TNKS1BP1: variants seen among roughly 807,000 people sequenced by gnomAD.
TNKS1BP1 encodes CCR4-NOT transcription complex subunit 12.
A neutral mutation model predicts 141.1 loss-of-function variants in TNKS1BP1; 48 were observed. The ratio of observed to expected loss-of-function variants is 0.34; its 90% confidence interval spans 0.27 to 0.43. TNKS1BP1 has a LOEUF of 0.43. Among genes scored for constraint, TNKS1BP1 ranks in the 20% least tolerant of loss-of-function variants. The pLI is 1.00. For missense variants in TNKS1BP1, 2,149 were observed against 2,226.0 expected, an observed-to-expected ratio of 0.97 and a Z score of 0.70; for synonymous variants, 875 against 898.2, an observed-to-expected ratio of 0.97 and a Z score of 0.46.
At chr11:57,306,257 G>A (rs1273240230) in intron 6 of TNKS1BP1, among the ~76,000 whole-genome samples, 1 of 148,784 alleles carries the variant, frequency 6.7e-6, no homozygotes, top group Non-Finnish European at 1.5e-5. Context: ...CAGGCTGGGA[G>A]CCTGGGCGAT....
intron 1 of TNKS1BP1, chr11:57,322,238 G>A (rs905550702): frequency 5.5e-6 from 6 of 1,083,742 alleles, no homozygotes; most frequent in Non-Finnish European, 6.7e-6. Flanking sequence ...CCCACTTACA[G>A]TCCCCACAGT....
chr11:57,302,517 C>A lies in TNKS1BP1; in HGVS notation c.4625G>T (p.Arg1542Leu). Reference protein sequence around the residue: ...WSDQGPAQTSRRPSQGPPARS... With the variant: ...WSDQGPAQTSLRPSQGPPARS... ...GGCAGGAGGGCCTTGGGAGGGTCGCCGAGAAGTCTGTGCTGGCCCCTGATC... is the reference window on the plus strand; with the variant it reads ...GGCAGGAGGGCCTTGGGAGGGTCGCAGAGAAGTCTGTGCTGGCCCCTGATC... The change falls in exon 7 of 12, where the codon CGG (arginine) becomes CTG (leucine). Residue 1542 changes from arginine to leucine, a missense_variant. By Grantham distance (102) the Arg-to-Leu change is moderately radical. Coordinates refer to ENST00000358252, the MANE Select transcript of TNKS1BP1 (RefSeq NM_033396.3). This position sits in a 1 kb window ranked among gnomAD's most constrained non-coding sequence, Gnocchi z 5.5. The A allele has an allele frequency of 1.2e-6, 2 of 1,611,796 alleles. No homozygotes were observed.
At chr11:57,318,375 C>T (rs781142543) in intron 3 of TNKS1BP1, among the ~76,000 whole-genome samples, 3 of 152,194 alleles carry the variant, frequency 2.0e-5, no homozygotes, top group Non-Finnish European at 4.4e-5. Context: ...AGGAAGATGG[C>T]GGGTGGAACC....
intron 3 of TNKS1BP1, among the ~76,000 whole-genome samples, chr11:57,319,722 G>C (rs529854057): frequency 5.5e-4 from 77 of 141,282 alleles, no homozygotes; most frequent in Admixed American, 2.9e-3. Flanking sequence ...AGCCGAGATC[G>C]CACCACTGCA....
At position 57,310,116 on chromosome 11, in the gene TNKS1BP1, C is replaced by A. The variant is rs770571284; in HGVS notation, c.2595G>T (p.Gln865His). The change falls in exon 6 of 12, where the codon CAG becomes CAT. Residue 865 changes from glutamine to histidine, a missense_variant. Gln to His is a conservative substitution (Grantham distance 24, BLOSUM62 0). Transcript: ENST00000358252. ...CCAGTGAATCTCTCTTTCCGAATTCCTGGTCCTGGAGTTCTGCATCCCGGC... is the reference window on the plus strand; with the variant it reads ...CCAGTGAATCTCTCTTTCCGAATTCATGGTCCTGGAGTTCTGCATCCCGGC... ...YSSRDAELQD[Q>H]EFGKRDSLGT... 6.2e-7 allele frequency: 1 copy of A among 1,614,070 alleles called. No homozygotes were observed. Among genetic ancestry groups the A allele is most frequent in the African/African-American group, 1.3e-5 (1 of 74,902 alleles).
In TNKS1BP1 at chr11:57,309,472, T is replaced by C; in HGVS notation, c.3239A>G (p.Glu1080Gly). 6.2e-7 allele frequency: 1 copy of C among 1,613,924 alleles called. No individual in the cohort carries two copies. Among genetic ancestry groups the C allele is most frequent in the Non-Finnish European group, 8.5e-7 (1 of 1,180,000 alleles). The change falls in exon 6 of 12, where the codon GAG (glutamate) becomes GGG (glycine). Residue 1080 changes from glutamate (E) to glycine (G), a missense_variant. Physicochemically the swap from Glu to Gly is moderately conservative, Grantham distance 98. Coordinates refer to ENST00000358252, the MANE Select transcript of TNKS1BP1 (RefSeq NM_033396.3). The surrounding 1 kb of genome is among the most constrained non-coding windows in gnomAD (Gnocchi z 4.3). The stretch of plus-strand genomic sequence containing the variant: ...ACCGACCCAGCCTCGCTTTCCCATC[T>C]CCCCATCTTCCAGGTCAGCACTGCC... ...GPGSADLEDG[E>G]MGKRGWVGEF...
intron 6 of TNKS1BP1, 75 bp downstream of exon 6, chr11:57,308,320 C>T: frequency 2.0e-6 from 3 of 1,520,768 alleles, no homozygotes; most frequent in Non-Finnish European, 2.6e-6. Flanking sequence ...TTCTTCCCTC[C>T]TCAGAAAGGT....
In TNKS1BP1 at chr11:57,320,428, GCTCCTCTTTCCCAGC is replaced by G. The variant is rs779980513; in HGVS notation, c.364_378del (p.Ala122_Glu126del). On this transcript the variant is annotated inframe_deletion, in exon 3 of 12. Transcript: ENST00000358252. ...CGAGCTGGGGGTGTCAAAGGGGGTG[GCTCCTCTTTCCCAGC>G]CTCCTCTTTCCCAGTCTCTTGGGTG... The G allele has an allele frequency of 2.5e-6, 4 of 1,609,178 alleles. No homozygotes were observed. The highest frequency in any genetic ancestry group is 2.7e-5 in the African/African-American group (2 of 74,854).
At chr11:57,322,065 T>A in intron 1 of TNKS1BP1, 115 bp from the exon 2 acceptor site, 2 of 310,944 alleles carry the variant, frequency 6.4e-6, no homozygotes, top group Non-Finnish European at 9.1e-6. Context: ...AAGAGAGAAC[T>A]TGGAGTGGGG....
chr11:57,310,237 A>C lies in TNKS1BP1; in HGVS notation c.2474T>G (p.Val825Gly). ...AGTGCCAAGCTGGGCTGGCTTTCCAACTACCCGGTCCTGGGCTGTGAGCAC... is the reference window on the plus strand; with the variant it reads ...AGTGCCAAGCTGGGCTGGCTTTCCACCTACCCGGTCCTGGGCTGTGAGCAC... ...PGVLTAQDRV[V>G]GKPAQLGTQR... The change falls in exon 6 of 12, where the codon GTT becomes GGT. Residue 825 changes from valine to glycine, a missense_variant. Physicochemically the swap from Val to Gly is moderately radical, Grantham distance 109. Coordinates refer to ENST00000358252, the MANE Select transcript of TNKS1BP1 (RefSeq NM_033396.3). 6.2e-7 allele frequency: 1 copy of C among 1,613,992 alleles called. No individual in the cohort carries two copies. The highest frequency in any genetic ancestry group is 8.5e-7 in the Non-Finnish European group (1 of 1,179,986).
At position 57,313,899 on chromosome 11, in the gene TNKS1BP1, A is replaced by G. The variant is rs895218556; in HGVS notation, c.799-10T>C. ...TCCAGGGCTTGGAAATCTGCAAGAG[A>G]AAGAAAGGTCAAGATCCGTCACTCA... On this transcript the variant is annotated splice_polypyrimidine_tract_variant and intron_variant, in intron 4 of 11. Transcript: ENST00000358252. The G allele has an allele frequency of 2.0e-6, 3 of 1,491,508 alleles. No homozygotes were observed. In the African/African-American group the frequency reaches 4.2e-5, roughly 21 times the overall value. The allele number at this position is 1,491,508 out of a possible 1,614,324, so 92.4% of individuals were successfully genotyped here.
At chr11:57,320,020 C>CA in intron 3 of TNKS1BP1, 59 bp downstream of exon 3, 91 of 1,213,858 alleles carry the variant, frequency 7.5e-5, no homozygotes, top group East Asian at 1.2e-4. Flanking sequence ...AGCCCCCACC[C>CA]AATCCCACCC....
In TNKS1BP1 at chr11:57,302,800, G is replaced by A; in HGVS notation, c.4342C>T (p.Pro1448Ser). The A allele has an allele frequency of 6.5e-7, 1 of 1,546,740 alleles. No homozygotes were observed. Among genetic ancestry groups the A allele is most frequent in the Non-Finnish European group, 8.7e-7 (1 of 1,149,606 alleles). The part of the protein sequence containing the change: ...ASPGRCPARP[P>S]PSGSQGLLEE... ...AGCAGGCCCTGGGAGCCGGAGGGTG[G>A]GGGGCGGGCCGGGCACCTGCCAGGG... is the stretch of plus-strand genomic sequence containing the variant. The change falls in exon 7 of 12, where the codon CCA becomes TCA. Residue 1448 changes from proline (P) to serine (S), a missense_variant. By Grantham distance (74) the Pro-to-Ser change is moderately conservative. Transcript: ENST00000358252. The surrounding 1 kb of genome is among the most constrained non-coding windows in gnomAD (Gnocchi z 5.5).
rs750069249 is a variant in TNKS1BP1 at position 57,308,708 on chromosome 11, G to A, written c.4003C>T (p.Arg1335Trp). Residue 1335 changes from arginine (R) to tryptophan (W), a missense_variant, in exon 6 of 12, where the codon CGG becomes TGG. Arg to Trp is a moderately radical substitution (Grantham distance 101, BLOSUM62 -3). Transcript: ENST00000358252. Reference sequence around the variant, plus strand: ...TCCATCTGCCCCACTCCACATCCCCGTAGCCCCTGAGAACCTCCAGAGTCT... The same window carrying A: ...TCCATCTGCCCCACTCCACATCCCCATAGCCCCTGAGAACCTCCAGAGTCT... ...DPDSGGSQGL[R>W]GCGVGQMDWT... 3.0e-5 allele frequency: 49 copies of A among 1,611,828 alleles called. No homozygotes were observed. The highest frequency in any genetic ancestry group is 7.7e-5 in the South Asian group (7 of 91,036).
rs1198943310 is a variant in TNKS1BP1 at position 57,320,310 on chromosome 11, G to A, written c.497C>T (p.Ala166Val). 3 of 1,614,182 alleles carry A rather than the reference G, an allele frequency of 1.9e-6. No homozygotes were observed. The highest frequency in any genetic ancestry group is 2.5e-6 in the Non-Finnish European group (3 of 1,180,052). The change falls in exon 3 of 12, where the codon GCC (alanine) becomes GTC (valine). Residue 166 changes from alanine to valine, a missense_variant. Coordinates refer to ENST00000358252, the MANE Select transcript of TNKS1BP1 (RefSeq NM_033396.3). ...CTCCTTCCGAGGCTGCTCCATCTTG[G>A]CCAGGATCTCTTCCACCGTGGTGGC... ...FAATTVEEILAKMEQPRKEVL... is the reference protein window; with the variant it reads ...FAATTVEEILVKMEQPRKEVL...
intron 5 of TNKS1BP1, among the ~76,000 whole-genome samples, chr11:57,312,231 A>G (rs1055087208): frequency 1.3e-5 from 2 of 152,152 alleles, no homozygotes; most frequent in African/African-American, 4.8e-5. Flanking sequence ...TTTACCCACA[A>G]TATAACTCTA....
rs1855675057 is a variant in TNKS1BP1, at chr11:57,309,773, T to C, written c.2938A>G (p.Arg980Gly). The change falls in exon 6 of 12, where the codon AGA (arginine) becomes GGA (glycine). Residue 980 changes from arginine (R) to glycine (G), a missense_variant. Transcript: ENST00000358252. This position sits in a 1 kb window ranked among gnomAD's most constrained non-coding sequence, Gnocchi z 4.3. ...LDAQDRSFGT[R>G]PLSSGFSPEE... ...GGGCTGAACCCAGAGCTCAGGGGTC[T>C]CGTTCCAAAGCTTCTGTCCTGGGCG... The C allele has an allele frequency of 3.1e-6, 5 of 1,614,228 alleles. No homozygotes were observed. In the East Asian group the frequency reaches 1.1e-4, roughly 36 times the overall value.
intron 5 of TNKS1BP1, chr11:57,311,553 A>G (rs1319589530): frequency 4.1e-6 from 3 of 723,376 alleles, no homozygotes; most frequent in Middle Eastern, 6.8e-4. Context: ...TGAGTCACCC[A>G]CATCCCGGGA....
In TNKS1BP1 at chr11:57,309,001, T is replaced by C; in HGVS notation, c.3710A>G (p.Asp1237Gly). ...WTSDVNVKSK[D>G]LAEVGEGGGH... ...TCCTCCCTCCCCGACCTCAGCCAAA[T>C]CTTTGCTCTTCACATTAACATCAGA... The change falls in exon 6 of 12, where the codon GAT (aspartate) becomes GGT (glycine). Residue 1237 changes from aspartate to glycine, a missense_variant. Physicochemically the swap from Asp to Gly is moderately conservative, Grantham distance 94 (BLOSUM62 -1). Transcript: ENST00000358252. This position sits in a 1 kb window ranked among gnomAD's most constrained non-coding sequence, Gnocchi z 4.3. 6.2e-7 allele frequency: 1 copy of C among 1,614,108 alleles called. No homozygotes were observed. Among genetic ancestry groups the C allele is most frequent in the Non-Finnish European group, 8.5e-7 (1 of 1,180,008 alleles).
Sources: gnomAD v4.1 joint callset for allele counts (sites outside exome capture counted in the v4.1 genomes callset) on GRCh38, gnomAD v4.1.1 for gene constraint, Gnocchi (gnomAD v3.1) non-coding constraint, MANE v1.5 for transcripts, NCBI Gene and HGNC (gene_info 2026-07-23, HGNC 2026-07-21) for gene names.